S100A11: variants seen among roughly 807,000 people sequenced by gnomAD.
The protein encoded by S100A11 is protein S100-A11.
S100A11 carries 5 observed loss-of-function variants against 7.4 expected under a neutral mutation model. The ratio of observed to expected loss-of-function variants is 0.68; its 90% CI spans 0.35 to 1.42. The LOEUF is 1.42. Ranked by LOEUF, S100A11 falls within the 40% of genes most tolerant of loss-of-function variation. The pLI, the probability that S100A11 is intolerant of heterozygous loss-of-function variation, is 0.04. For synonymous variants in S100A11, 47 were observed against 46.6 expected (o/e 1.01, Z -0.04); for missense variants, 96 against 125.0 (o/e 0.77, Z 1.11).
intron 1 of S100A11, among the ~76,000 whole-genome samples, chr1:152,034,142 C>T (rs1438456876): frequency 6.6e-6 from 1 of 152,154 alleles, no homozygotes; most frequent in Non-Finnish European, 1.5e-5. Flanking sequence ...AACTCTATAT[C>T]CACAAATCCA....
At position 152,033,150 on chromosome 1, in the gene S100A11, TC is replaced by T. The variant is rs1428239626; in HGVS notation, c.157-328del. On this transcript the variant is annotated intron_variant, in intron 2 of 2. Coordinates refer to ENST00000271638, the MANE Select transcript of S100A11 (RefSeq NM_005620.2). This position sits in a 1 kb window ranked among gnomAD's most constrained non-coding sequence, Gnocchi z 4.0. ...TAAACTATATAAAAGTACAGCGGGTTCAGGTGGAAAAAGGCCACAGGCCCTG... is the reference window on the plus strand; with the variant it reads ...TAAACTATATAAAAGTACAGCGGGTTAGGTGGAAAAAGGCCACAGGCCCTG... Among the ~76,000 whole-genome samples the T allele has an allele frequency of 6.6e-6, 1 of 152,244 alleles. No individual in the cohort carries two copies. Among genetic ancestry groups the T allele is most frequent in the African/African-American group, 2.4e-5 (1 of 41,456 alleles).
In S100A11 at chr1:152,032,564, G is replaced by T; in HGVS notation, c.*98C>A. 9.6e-7 allele frequency: 1 copy of T among 1,041,096 alleles called. No homozygotes were observed. Among genetic ancestry groups the T allele is most frequent in the Non-Finnish European group, 1.4e-6 (1 of 713,120 alleles). 64.5% of individuals were successfully genotyped at this position (1,041,096 alleles called of 1,614,324 possible). On this transcript the variant is annotated 3_prime_UTR_variant, in exon 3 of 3. Coordinates refer to ENST00000271638, the MANE Select transcript of S100A11 (RefSeq NM_005620.2). Reference sequence around the variant, plus strand: ...CTATTGGCAGGTGGGGCCTGCATGAGGTGGTTAGTGTGCTCAGGGGATGGG... The same window carrying T: ...CTATTGGCAGGTGGGGCCTGCATGATGTGGTTAGTGTGCTCAGGGGATGGG...
chr1:152,036,619 C>CCCT (rs976553061), intron 1 of S100A11, among the ~76,000 whole-genome samples: 1 of 152,036 alleles, frequency 6.6e-6, no homozygotes, highest in African/African-American at 2.4e-5. Flanking sequence ...GACGGGTCCC[C>CCCT]CCCCCGCGCG....
In S100A11 at chr1:152,036,979, G is replaced by T; in HGVS notation, c.-64C>A. ...GCGGCGCTGAGAGCTCTGTGCGCGC[G>T]GCGTGCGGGTCTGGAGCCTCTCCTC... On this transcript the variant is annotated 5_prime_UTR_variant, in exon 1 of 3. Coordinates refer to ENST00000271638, the MANE Select transcript of S100A11 (RefSeq NM_005620.2). The T allele has an allele frequency of 1.9e-6, 3 of 1,611,080 alleles. No individual in the cohort carries two copies. Among genetic ancestry groups the T allele is most frequent in the Non-Finnish European group, 1.7e-6 (2 of 1,179,156 alleles).
chr1:152,032,866 A>G, intron 2 of S100A11, 43 bp from the exon 3 acceptor site: 1 of 1,449,718 alleles, frequency 6.9e-7, no homozygotes, highest in Non-Finnish European at 9.7e-7. Context: ...CGCATCTTCT[A>G]ATGTGCTTTC....
In S100A11 at chr1:152,032,578, T is replaced by C; in HGVS notation, c.*84A>G. 7.7e-7 allele frequency: 1 copy of C among 1,305,650 alleles called. No individual in the cohort carries two copies. Among genetic ancestry groups the C allele is most frequent in the Non-Finnish European group, 1.1e-6 (1 of 931,902 alleles). 80.9% of individuals were successfully genotyped at this position (1,305,650 alleles called of 1,614,324 possible). On this transcript the variant is annotated 3_prime_UTR_variant, in exon 3 of 3. Coordinates refer to ENST00000271638, the MANE Select transcript of S100A11 (RefSeq NM_005620.2). ...GGCCTGCATGAGGTGGTTAGTGTGC[T>C]CAGGGGATGGGTGGGCTGTGGAGAT...
At position 152,032,615 on chromosome 1, in the gene S100A11, G is replaced by A. The variant is rs11550576; in HGVS notation, c.*47C>T. 6.4e-7 allele frequency: 1 copy of A among 1,569,628 alleles called. No individual in the cohort carries two copies. Among genetic ancestry groups the A allele is most frequent in the South Asian group, 1.1e-5 (1 of 88,326 alleles). ...TGGGCTGTGGAGATGATGACAGAAA[G>A]GCTGGAAGGAAAGGGGGTGGGTTTG... On this transcript the variant is annotated 3_prime_UTR_variant, in exon 3 of 3. Transcript: ENST00000271638.
Position 152,032,538 on chromosome 1 carries a change from A to G in S100A11, c.*124T>C. The stretch of plus-strand genomic sequence containing the variant: ...TTTAAAAAAGTGACATTGCTTTATT[A>G]CTATTGGCAGGTGGGGCCTGCATGA... On this transcript the variant is annotated 3_prime_UTR_variant, in exon 3 of 3. Transcript: ENST00000271638. The G allele has an allele frequency of 1.3e-6, 1 of 746,262 alleles. No individual in the cohort carries two copies. Among genetic ancestry groups the G allele is most frequent in the Non-Finnish European group, 2.2e-6 (1 of 462,994 alleles). The allele number at this position is 746,262 out of a possible 1,614,324, so 46.2% of individuals were successfully genotyped here.
intron 2 of S100A11, 106 bp from the exon 3 acceptor site, chr1:152,032,929 T>A: frequency 3.5e-6 from 3 of 858,984 alleles, no homozygotes; most frequent in South Asian, 1.8e-5. Flanking sequence ...AGGATAGGGA[T>A]TATTAATATT....
At chr1:152,034,262 C>G (rs866511252) in intron 1 of S100A11, among the ~76,000 whole-genome samples, 2 of 152,328 alleles carry the variant, frequency 1.3e-5, no homozygotes, top group Non-Finnish European at 1.5e-5. Flanking sequence ...ATACCGAATT[C>G]CTGGGACTCA....
At chr1:152,036,516 T>C (rs1656832082) in intron 1 of S100A11, among the ~76,000 whole-genome samples, 1 of 152,168 alleles carries the variant, frequency 6.6e-6, no homozygotes, top group South Asian at 2.1e-4. Flanking sequence ...TAGTGACCCC[T>C]CGCAGCTTTC....
chr1:152,034,801 T>C (rs879207044), intron 1 of S100A11, among the ~76,000 whole-genome samples: 3 of 152,228 alleles, frequency 2.0e-5, no homozygotes, highest in Admixed American at 1.3e-4. Context: ...CTTTACCTAC[T>C]AGCGTTAACA....
chr1:152,033,737 T>G lies in S100A11; in HGVS notation c.67A>C (p.Lys23Gln). 10 of 1,612,266 alleles carry G rather than the reference T, an allele frequency of 6.2e-6. No homozygotes were observed. The highest frequency in any genetic ancestry group is 8.5e-6 in the Non-Finnish European group (10 of 1,178,322). ...TTATAACCATCCTTTCCAGCATACT[T>G]CTGGAAGACAGCAATCAGGGACTCG... ...CIESLIAVFQ[K>Q]YAGKDGYNYT... is the part of the protein sequence containing the mutation. Residue 23 changes from lysine (K) to glutamine (Q), a missense_variant, in exon 2 of 3, where the codon AAG becomes CAG. Coordinates refer to ENST00000271638, the MANE Select transcript of S100A11 (RefSeq NM_005620.2). The surrounding 1 kb of genome is among the most constrained non-coding windows in gnomAD (Gnocchi z 4.0).
In S100A11 at chr1:152,033,521, AGAGT is replaced by A; in HGVS notation, c.156+123_156+126del. 1 of 821,138 alleles carries A rather than the reference AGAGT, an allele frequency of 1.2e-6. No individual in the cohort carries two copies. Among genetic ancestry groups the A allele is most frequent in the African/African-American group, 1.7e-5 (1 of 58,714 alleles). The allele number at this position is 821,138 out of a possible 1,614,324, so 50.9% of individuals were successfully genotyped here. ...TCCTAAATGGAAAAACTCCTGGCTT[AGAGT>A]GAGTTAAAATGAAGCAAGAGTGTGG... On this transcript the variant is annotated intron_variant, in intron 2 of 2. Transcript: ENST00000271638. This position sits in a 1 kb window ranked among gnomAD's most constrained non-coding sequence, Gnocchi z 4.0.
chr1:152,036,813 A>T, intron 1 of S100A11, 100 bp downstream of exon 1: 1 of 1,076,172 alleles, frequency 9.3e-7, no homozygotes, highest in Non-Finnish European at 1.4e-6. Context: ...TGCCACGTCC[A>T]CACATAAGTC....
chr1:152,032,826 G>C lies in S100A11; in HGVS notation c.157-3C>G. 1 of 1,601,526 alleles carries C rather than the reference G, an allele frequency of 6.2e-7. No individual in the cohort carries two copies. Among genetic ancestry groups the C allele is most frequent in the Non-Finnish European group, 8.5e-7 (1 of 1,171,026 alleles). On this transcript the variant is annotated splice_region_variant and splice_polypyrimidine_tract_variant and intron_variant, in intron 2 of 2. Coordinates refer to ENST00000271638, the MANE Select transcript of S100A11 (RefSeq NM_005620.2). ...AGGACACCAGGGTCCTTCTGGTTCT[G>C]CAGAGAAAATAATAATTACACCTTT...
chr1:152,033,841 T>C lies in S100A11; in HGVS notation c.4-41A>G. The stretch of plus-strand genomic sequence containing the variant: ...ATTGCAGGGCTCAGACAAGGGAAGA[T>C]GTCAAGGCTGGATACTGGAGAAAAC... On this transcript the variant is annotated intron_variant, in intron 1 of 2. Coordinates refer to ENST00000271638, the MANE Select transcript of S100A11 (RefSeq NM_005620.2). This position sits in a 1 kb window ranked among gnomAD's most constrained non-coding sequence, Gnocchi z 4.0. 1.3e-6 allele frequency: 2 copies of C among 1,586,422 alleles called. No individual in the cohort carries two copies. Among genetic ancestry groups the C allele is most frequent in the Non-Finnish European group, 1.7e-6 (2 of 1,155,396 alleles).
intron 1 of S100A11, among the ~76,000 whole-genome samples, chr1:152,035,537 G>T (rs1212910135): frequency 6.6e-6 from 1 of 152,182 alleles, no homozygotes; most frequent in African/African-American, 2.4e-5. Flanking sequence ...AAACCTCTTT[G>T]CATTTCCTCC....
intron 1 of S100A11, among the ~76,000 whole-genome samples, chr1:152,036,181 G>A (rs1656826421): frequency 6.6e-6 from 1 of 152,192 alleles, no homozygotes; most frequent in South Asian, 2.1e-4. Context: ...CTCCACTAAG[G>A]AGAGGTAAAG....
Sources: allele counts gnomAD v4.1 joint callset (sites outside exome capture counted in the v4.1 genomes callset), GRCh38; gene constraint gnomAD v4.1.1; non-coding constraint Gnocchi (gnomAD v3.1); transcripts MANE v1.5; gene names NCBI Gene and HGNC (gene_info 2026-07-23, HGNC 2026-07-21).